The following ZBTB39 variants were observed in gnomAD, a reference collection of about 807,000 sequenced individuals.
The protein encoded by ZBTB39 is zinc finger and BTB domain-containing protein 39.
ZBTB39 carries 25 observed loss-of-function variants against 39.4 expected under a neutral mutation model. The ratio of observed to expected loss-of-function variants is 0.63; its 90% CI spans 0.46 to 0.89. The LOEUF (loss-of-function observed/expected upper bound fraction) is 0.89, where lower values mean the gene tolerates loss of function less well. ZBTB39 is among the 40% of genes least tolerant of loss of function. The pLI is 0.00. For missense variants in ZBTB39, 891 were observed against 909.7 expected (o/e 0.98, Z 0.26); for synonymous variants, 373 against 359.6 (o/e 1.04, Z -0.42).
Position 57,004,855 on chromosome 12 carries a change from G to C in ZBTB39, c.63C>G (p.Asn21Lys), listed in dbSNP as rs1225392529. The change falls in exon 2 of 2, where the codon AAC (asparagine) becomes AAG (lysine). Residue 21 changes from asparagine (N) to lysine (K), a missense_variant. Coordinates refer to ENST00000300101, the MANE Select transcript of ZBTB39 (RefSeq NM_014830.3). ...NHPNNLLKELNKCRLSETMCD... is the reference protein window; with the variant it reads ...NHPNNLLKELKKCRLSETMCD... ...ACATGGTCTCTGAGAGCCGGCACTT[G>C]TTGAGTTCCTTCAGCAGGTTGTTGG... The C allele has an allele frequency of 1.9e-6, 3 of 1,613,672 alleles. No homozygotes were observed. Among genetic ancestry groups the C allele is most frequent in the Non-Finnish European group, 8.5e-7 (1 of 1,179,728 alleles).
Position 57,003,122 on chromosome 12 carries a change from T to C in ZBTB39, c.1796A>G (p.Gln599Arg). The C allele has an allele frequency of 6.2e-7, 1 of 1,614,214 alleles. No homozygotes were observed. The highest frequency in any genetic ancestry group is 8.5e-7 in the Non-Finnish European group (1 of 1,180,034). The stretch of plus-strand genomic sequence containing the variant: ...GCAGCTATACTTGCTGTTCCCAGGT[T>C]GGCCCTGCAGCGCCAGCTCTTCACC... ...FLGEELALQG[Q>R]PGNSKYSCKV... The change falls in exon 2 of 2, where the codon CAA becomes CGA. Residue 599 changes from glutamine to arginine, a missense_variant. By Grantham distance (43) the Gln-to-Arg change is conservative. Transcript: ENST00000300101. The surrounding 1 kb of genome is among the most constrained non-coding windows in gnomAD (Gnocchi z 4.8).
chr12:57,005,731 T>G (rs1013931541), intron 1 of ZBTB39, among the ~76,000 whole-genome samples: 2 of 152,222 alleles, frequency 1.3e-5, no homozygotes, highest in Admixed American at 1.3e-4. Flanking sequence ...ACAGATTTAC[T>G]TGATGCCGCA....
At chr12:57,005,763 G>A (rs1008807231) in intron 1 of ZBTB39, among the ~76,000 whole-genome samples, 2 of 152,142 alleles carry the variant, frequency 1.3e-5, no homozygotes, top group African/African-American at 2.4e-5. Flanking sequence ...TAATTATACA[G>A]GTAAGACTCC....
chr12:57,003,760 G>C lies in ZBTB39; in HGVS notation c.1158C>G (p.Ser386=). 1.2e-6 allele frequency: 2 copies of C among 1,614,216 alleles called. No individual in the cohort carries two copies. Among genetic ancestry groups the C allele is most frequent in the Non-Finnish European group, 8.5e-7 (1 of 1,180,030 alleles). The change falls in exon 2 of 2, where the codon TCC becomes TCG. Residue 386 remains serine (S), a synonymous_variant. Transcript: ENST00000300101. This position sits in a 1 kb window ranked among gnomAD's most constrained non-coding sequence, Gnocchi z 4.8. ...VCETHFQDRN[S]RVTHVLSHIG... ...TGTGGGACAGGACATGAGTTACCCG[G>C]GAGTTTCGGTCCTGGAAGTGGGTCT...
At position 57,002,805 on chromosome 12, in the gene ZBTB39, C is replaced by A; in HGVS notation, c.2113G>T (p.Glu705Ter). The A allele has an allele frequency of 1.9e-6, 3 of 1,614,152 alleles. No individual in the cohort carries two copies. Among genetic ancestry groups the A allele is most frequent in the Non-Finnish European group, 2.5e-6 (3 of 1,180,004 alleles). ...QTFMYIIHSK[E>*]ADKNPDS ...CAACTGTCCGGGTTCTTATCCGCCT[C>A]TTTGGAATGGATGATGTACATGAAG... The change falls in exon 2 of 2, where the codon GAG (glutamate) becomes TAG (stop). Residue 705 changes from glutamate to a stop codon, truncating the protein, a stop_gained. Coordinates refer to ENST00000300101, the MANE Select transcript of ZBTB39 (RefSeq NM_014830.3). LOFTEE classifies it high-confidence loss of function.
chr12:57,004,808 CCCA>C lies in ZBTB39; in HGVS notation c.107_109del (p.Val36del), dbSNP rs759226247. On this transcript the variant is annotated inframe_deletion, in exon 2 of 2. Coordinates refer to ENST00000300101, the MANE Select transcript of ZBTB39 (RefSeq NM_014830.3). ...CTTGTGGGCCGGGAAGGAGCGGCTC[CCCA>C]CCACAATGGTGACGTCGCACATGGT... 2 of 1,614,218 alleles carry C rather than the reference CCCA, an allele frequency of 1.2e-6. No individual in the cohort carries two copies. Among genetic ancestry groups the C allele is most frequent in the South Asian group, 1.1e-5 (1 of 91,086 alleles).
At chr12:57,005,065 T>C in intron 1 of ZBTB39, 104 bp from the exon 2 acceptor site, 4 of 818,206 alleles carry the variant, frequency 4.9e-6, no homozygotes, top group South Asian at 2.0e-5. Flanking sequence ...AAGCCCCAGG[T>C]AGGGATCAGG....
chr12:57,004,815 C>T lies in ZBTB39; in HGVS notation c.103G>A (p.Val35Met), dbSNP rs1350198382. The change falls in exon 2 of 2, where the codon GTG becomes ATG. Residue 35 changes from valine (V) to methionine (M), a missense_variant. Transcript: ENST00000300101. Reference sequence around the variant, plus strand: ...GCCGGGAAGGAGCGGCTCCCCACCACAATGGTGACGTCGCACATGGTCTCT... The same window carrying T: ...GCCGGGAAGGAGCGGCTCCCCACCATAATGGTGACGTCGCACATGGTCTCT... ...LSETMCDVTIVVGSRSFPAHK... is the reference protein window; with the variant it reads ...LSETMCDVTIMVGSRSFPAHK... 6.2e-7 allele frequency: 1 copy of T among 1,614,192 alleles called. No homozygotes were observed. The highest frequency in any genetic ancestry group is 8.5e-7 in the Non-Finnish European group (1 of 1,180,024).
In ZBTB39 at chr12:57,002,787, C is replaced by A. The variant is rs1161549702; in HGVS notation, c.2131G>T (p.Asp711Tyr). 1 of 1,613,342 alleles carries A rather than the reference C, an allele frequency of 6.2e-7. No individual in the cohort carries two copies. Among genetic ancestry groups the A allele is most frequent in the Non-Finnish European group, 8.5e-7 (1 of 1,179,424 alleles). ...IHSKEADKNP[D>Y]S ...GCTCTGCCGGGACCCAGTCAACTGTCCGGGTTCTTATCCGCCTCTTTGGAA... is the reference window on the plus strand; with the variant it reads ...GCTCTGCCGGGACCCAGTCAACTGTACGGGTTCTTATCCGCCTCTTTGGAA... Residue 711 changes from aspartate to tyrosine, a missense_variant, in exon 2 of 2, where the codon GAC becomes TAC. By Grantham distance (160) the Asp-to-Tyr change is radical. Transcript: ENST00000300101.
rs1233632541 is a variant in ZBTB39 at position 57,002,812 on chromosome 12, A to G, written c.2106T>C (p.His702=). Residue 702 remains histidine, a synonymous_variant, in exon 2 of 2, where the codon CAT becomes CAC. Transcript: ENST00000300101. ...TIEQTFMYII[H]SKEADKNPDS ...CCGGGTTCTTATCCGCCTCTTTGGA[A>G]TGGATGATGTACATGAAGGTCTGCT... 6.2e-7 allele frequency: 1 copy of G among 1,614,164 alleles called. No individual in the cohort carries two copies.
In ZBTB39 at chr12:57,003,146, C is replaced by T. The variant is rs760053746; in HGVS notation, c.1772G>A (p.Gly591Asp). 3.7e-5 allele frequency: 60 copies of T among 1,614,062 alleles called. No homozygotes were observed. The South Asian group carries it at 6.3e-4, about 17-fold the overall frequency. Residue 591 changes from glycine to aspartate, a missense_variant, in exon 2 of 2, where the codon GGT becomes GAT. Gly to Asp is a moderately conservative substitution (Grantham distance 94). Transcript: ENST00000300101. This position sits in a 1 kb window ranked among gnomAD's most constrained non-coding sequence, Gnocchi z 4.8. ...TTGGCCCTGCAGCGCCAGCTCTTCA[C>T]CCAGAAACTCCTCTGCTGGCAGCTT... ...KRKLPAEEFLGEELALQGQPG... is the reference protein window; with the variant it reads ...KRKLPAEEFLDEELALQGQPG...
At position 57,003,819 on chromosome 12, in the gene ZBTB39, C is replaced by T; in HGVS notation, c.1099G>A (p.Val367Met). The change falls in exon 2 of 2, where the codon GTG becomes ATG. Residue 367 changes from valine to methionine, a missense_variant. Val to Met is a conservative substitution (Grantham distance 21). Transcript: ENST00000300101. The surrounding 1 kb of genome is among the most constrained non-coding windows in gnomAD (Gnocchi z 4.8). ...QLIRQHARDH[V>M]DLLTGNCKVC... ...TTGCAGTTGCCCGTCAGCAGGTCCACATGGTCCCGAGCATGCTGCCGGATC... is the reference window on the plus strand; with the variant it reads ...TTGCAGTTGCCCGTCAGCAGGTCCATATGGTCCCGAGCATGCTGCCGGATC... The T allele has an allele frequency of 6.2e-7, 1 of 1,614,246 alleles. No individual in the cohort carries two copies. The highest frequency in any genetic ancestry group is 8.5e-7 in the Non-Finnish European group (1 of 1,180,046).
Position 57,002,921 on chromosome 12 carries a change from C to T in ZBTB39, c.1997G>A (p.Cys666Tyr). 1 of 1,614,248 alleles carries T rather than the reference C, an allele frequency of 6.2e-7. No homozygotes were observed. Among genetic ancestry groups the T allele is most frequent in the Non-Finnish European group, 8.5e-7 (1 of 1,180,040 alleles). The change falls in exon 2 of 2, where the codon TGT becomes TAT. Residue 666 changes from cysteine (C) to tyrosine (Y), a missense_variant. Transcript: ENST00000300101. The part of the protein sequence containing the change: ...SGALMYRCTV[C>Y]GHYSSTLNLM... ...GTTAAGGGTGGAACTGTAGTGCCCA[C>T]AGACTGTGCAGCGGTACATGAGGGC... is the stretch of plus-strand genomic sequence containing the variant.
In ZBTB39 at chr12:57,002,857, G is replaced by A; in HGVS notation, c.2061C>T (p.Leu687=). Residue 687 remains leucine, a synonymous_variant, in exon 2 of 2, where the codon CTC becomes CTT. Transcript: ENST00000300101. ...SKHVGVHKGS[L]PPDFTIEQTF... is the part of the protein sequence containing the mutation. ...TCTGCTCGATGGTGAAGTCAGGGGG[G>A]AGGCTGCCTTTGTGCACACCAACAT... 1.2e-6 allele frequency: 2 copies of A among 1,614,206 alleles called. No homozygotes were observed. Among genetic ancestry groups the A allele is most frequent in the Non-Finnish European group, 8.5e-7 (1 of 1,180,034 alleles).
At chr12:57,006,019 G>A (rs898505496) in intron 1 of ZBTB39, among the ~76,000 whole-genome samples, 1 of 152,192 alleles carries the variant, frequency 6.6e-6, no homozygotes, top group Non-Finnish European at 1.5e-5. Flanking sequence ...TCGGAGCACT[G>A]GGCAGCCAGA....
chr12:57,003,049 G>A lies in ZBTB39; in HGVS notation c.1869C>T (p.His623=), dbSNP rs745589596. 1.5e-5 allele frequency: 24 copies of A among 1,614,058 alleles called. No individual in the cohort carries two copies. The South Asian group carries it at 2.4e-4, about 16-fold the overall frequency. ...RFAHTSEFNY[H]RRIHTGEKPY... Reference sequence around the variant, plus strand: ...GCTTCTCCCCCGTGTGGATCCGCCGGTGGTAGTTGAATTCGCTTGTGTGGG... The same window carrying A: ...GCTTCTCCCCCGTGTGGATCCGCCGATGGTAGTTGAATTCGCTTGTGTGGG... Residue 623 remains histidine, a synonymous_variant, in exon 2 of 2, where the codon CAC becomes CAT. Transcript: ENST00000300101. This position sits in a 1 kb window ranked among gnomAD's most constrained non-coding sequence, Gnocchi z 4.8.
rs188372281 is a variant in ZBTB39 at position 56,999,969 on chromosome 12, C to T, written c.*2810G>A. The T allele has an allele frequency of 9.2e-5, 14 of 152,216 alleles. No individual in the cohort carries two copies. Among genetic ancestry groups the T allele is most frequent in the Admixed American group, 7.2e-4 (11 of 15,296 alleles). 9.4% of individuals were successfully genotyped at this position (152,216 alleles called of 1,614,324 possible). ...ACAGAAGAGAGTAGTAAACTAGGTTCCAGGAGAGAGGGAGCAACAAAATCA... is the reference window on the plus strand; with the variant it reads ...ACAGAAGAGAGTAGTAAACTAGGTTTCAGGAGAGAGGGAGCAACAAAATCA... On this transcript the variant is annotated 3_prime_UTR_variant, in exon 2 of 2. Transcript: ENST00000300101.
In ZBTB39 at chr12:56,998,933, A is replaced by T. The variant is rs183341835; in HGVS notation, c.*3846T>A. ...TGTACAATGATTTTAGACATCTACT[A>T]TTTGGGGAAAAAAGTTTACAAAATA... On this transcript the variant is annotated 3_prime_UTR_variant, in exon 2 of 2. Coordinates refer to ENST00000300101, the MANE Select transcript of ZBTB39 (RefSeq NM_014830.3). 3 of 152,688 alleles carry T rather than the reference A, an allele frequency of 2.0e-5. No individual in the cohort carries two copies. The highest frequency in any genetic ancestry group is 4.4e-5 in the Non-Finnish European group (3 of 68,046). The allele number at this position is 152,688 out of a possible 1,614,324, so 9.5% of individuals were successfully genotyped here.
chr12:57,002,890 C>T lies in ZBTB39; in HGVS notation c.2028G>A (p.Met676Ile), dbSNP rs1249899029. 5.0e-6 allele frequency: 8 copies of T among 1,614,032 alleles called. No homozygotes were observed. The highest frequency in any genetic ancestry group is 5.1e-6 in the Non-Finnish European group (6 of 1,180,036). Residue 676 changes from methionine to isoleucine, a missense_variant, in exon 2 of 2, where the codon ATG becomes ATA. Transcript: ENST00000300101. ...CTTTGTGCACACCAACATGTTTGCT[C>T]ATGAGGTTAAGGGTGGAACTGTAGT... ...CGHYSSTLNL[M>I]SKHVGVHKGS...
Sources: gnomAD v4.1 joint callset for allele counts (sites outside exome capture counted in the v4.1 genomes callset) on GRCh38, gnomAD v4.1.1 for gene constraint, Gnocchi (gnomAD v3.1) non-coding constraint, MANE v1.5 for transcripts, NCBI Gene and HGNC (gene_info 2026-07-23, HGNC 2026-07-21) for gene names.